The following INSC variants were observed in gnomAD, a reference collection of about 807,000 sequenced individuals.
INSC encodes the protein protein inscuteable homolog.
Under a neutral mutation model 58.6 loss-of-function variants are expected in INSC, and 67 were observed. The ratio of observed to expected loss-of-function variants is 1.14; its 90% CI spans 0.94 to 1.40. The LOEUF (loss-of-function observed/expected upper bound fraction) is 1.40. Ranked by LOEUF, INSC falls within the 40% of genes most tolerant of loss-of-function variation. The pLI, the probability that INSC is intolerant of heterozygous loss-of-function variation, is 0.00. For missense variants in INSC, 714 were observed against 692.0 expected (o/e 1.03, Z -0.36); for synonymous variants, 262 against 276.1 (o/e 0.95, Z 0.51).
chr11:15,113,117 CTCTCTT>C (rs1446182753), upstream of INSC, among the ~76,000 whole-genome samples: 25 of 127,230 alleles, frequency 2.0e-4, no homozygotes, highest in Non-Finnish European at 3.2e-4. Flanking sequence ...TTTTCTCTCT[CTCTCTT>C]TCTTTCTTTC....
intron 1 of INSC, among the ~76,000 whole-genome samples, chr11:15,144,511 C>A (rs1848446264): frequency 6.6e-6 from 1 of 152,210 alleles, no homozygotes; most frequent in African/African-American, 2.4e-5. Flanking sequence ...TCCAACTCCT[C>A]TTCAACTCCC....
intron 2 of INSC, among the ~76,000 whole-genome samples, chr11:15,163,622 C>T (rs1849091640): frequency 6.6e-6 from 1 of 152,148 alleles, no homozygotes; most frequent in African/African-American, 2.4e-5. Flanking sequence ...TGGAGTCTTG[C>T]TCTGTCGCCC....
chr11:15,169,475 C>T (rs1350363246), intron 2 of INSC, among the ~76,000 whole-genome samples: 2 of 152,130 alleles, frequency 1.3e-5, no homozygotes, highest in East Asian at 3.8e-4. Context: ...GCATGAGGCT[C>T]ATGATATAAA....
intron 11 of INSC, among the ~76,000 whole-genome samples, chr11:15,239,321 A>C (rs190528705): frequency 1.3e-5 from 2 of 152,158 alleles, no homozygotes; most frequent in South Asian, 4.1e-4. Flanking sequence ...TCACCTGCAG[A>C]CTGTTAATAA....
intron 2 of INSC, among the ~76,000 whole-genome samples, chr11:15,160,162 GAGACAGAGTGCTTAC>G (rs920894877): frequency 6.6e-6 from 1 of 152,096 alleles, no homozygotes; most frequent in African/African-American, 2.4e-5. Context: ...GATCAGAGGA[GAGACAGAGTGCTTAC>G]AGACGTGTGG....
intron 2 of INSC, among the ~76,000 whole-genome samples, chr11:15,153,430 A>T (rs55723898): frequency 0.19 from 29,627 of 152,198 alleles, 3,258 homozygotes; most frequent in Middle Eastern, 0.31. Flanking sequence ...GTCTCCATGT[A>T]GATAATGGCT....
chr11:15,235,475 G>C, intron 9 of INSC, 127 bp from the exon 10 acceptor site: 1 of 760,362 alleles, frequency 1.3e-6, no homozygotes, highest in South Asian at 1.4e-5. Flanking sequence ...GGAAGGATAG[G>C]CCCGGTGGAC....
At chr11:15,145,263 G>T (rs1341445703) in intron 1 of INSC, among the ~76,000 whole-genome samples, 1 of 152,148 alleles carries the variant, frequency 6.6e-6, no homozygotes, top group African/African-American at 2.4e-5. Flanking sequence ...ATTTTCCGTG[G>T]GTTGGCAATT....
At chr11:15,229,947 AT>A (rs200981154) in intron 9 of INSC, among the ~76,000 whole-genome samples, 23,066 of 38,394 alleles carry the variant, frequency 0.6, 4,881 homozygotes, top group East Asian at 0.82. Context: ...TATATATAAT[AT>A]TATATATATA....
chr11:15,254,437 A>G, the INSC span, among the ~76,000 whole-genome samples: 24 of 152,186 alleles, frequency 1.6e-4, no homozygotes, highest in Non-Finnish European at 2.8e-4. Flanking sequence ...AGATAAGCCA[A>G]TCCCTTCAGA....
upstream of INSC, chr11:15,112,587 TGTGA>T (rs759891137): frequency 1.1e-5 from 13 of 1,150,048 alleles, no homozygotes; most frequent in East Asian, 4.1e-5. Context: ...GGAAGGTGGA[TGTGA>T]GTGTGTGTGT....
intron 7 of INSC, among the ~76,000 whole-genome samples, chr11:15,217,868 T>A (rs921628833): frequency 6.6e-6 from 1 of 152,212 alleles, no homozygotes; most frequent in African/African-American, 2.4e-5. Context: ...GCAAAAAATT[T>A]AAAAATCTGC....
At chr11:15,220,032 C>T (rs2133928018) in intron 7 of INSC, among the ~76,000 whole-genome samples, 1 of 152,292 alleles carries the variant, frequency 6.6e-6, no homozygotes, top group Non-Finnish European at 1.5e-5. Flanking sequence ...GTTCCCTGGG[C>T]TCCTGTTTCC....
At chr11:15,176,281 T>A (rs1339753342) in intron 3 of INSC, among the ~76,000 whole-genome samples, 195 bp downstream of exon 3, 1 of 152,098 alleles carries the variant, frequency 6.6e-6, no homozygotes, top group Non-Finnish European at 1.5e-5. Context: ...TAGGTGTTTT[T>A]TTTTTACATG....
At chr11:15,240,581 GC>G in intron 12 of INSC, 58 bp downstream of exon 12, 1 of 1,447,318 alleles carries the variant, frequency 6.9e-7, no homozygotes, top group Non-Finnish European at 9.6e-7. Flanking sequence ...AGCCAAGGGG[GC>G]CAGGAGAACC....
the INSC span, among the ~76,000 whole-genome samples, chr11:15,254,363 G>A: frequency 2.0e-5 from 3 of 152,174 alleles, no homozygotes; most frequent in African/African-American, 7.2e-5. Flanking sequence ...GCTCAGGAAA[G>A]AAAAACAAAT....
chr11:15,206,269 C>T (rs542457530), intron 7 of INSC, among the ~76,000 whole-genome samples: 191 of 152,244 alleles, frequency 1.3e-3, no homozygotes, highest in African/African-American at 4.0e-3. Context: ...GGTGGGGTTG[C>T]CGGTGTAGGC....
chr11:15,239,106 G>C, intron 11 of INSC, 32 bp downstream of exon 11: 1 of 1,593,284 alleles, frequency 6.3e-7, no homozygotes, highest in Non-Finnish European at 8.5e-7. Flanking sequence ...TGGCTGGAGT[G>C]GAGTGGGGGT....
At chr11:15,111,559 T>C (rs1847577427), upstream of INSC, among the ~76,000 whole-genome samples, 1 of 152,108 alleles carries the variant, frequency 6.6e-6, no homozygotes, top group African/African-American at 2.4e-5. Context: ...TTGGTTTAGG[T>C]GAAATAAGCT....
Sources: gnomAD v4.1 joint callset for allele counts (sites outside exome capture counted in the v4.1 genomes callset) on GRCh38, gnomAD v4.1.1 for gene constraint, MANE v1.5 for transcripts, NCBI Gene and HGNC (gene_info 2026-07-23, HGNC 2026-07-21) for gene names.